Variants in GTF3C2 observed in about 807,000 individuals in gnomAD.
GTF3C2 encodes the protein general transcription factor 3C polypeptide 2.
A neutral mutation model predicts 117.4 loss-of-function variants in GTF3C2; 17 were observed. The ratio of observed to expected loss-of-function variants is 0.14; its 90% CI spans 0.10 to 0.22. The LOEUF (loss-of-function observed/expected upper bound fraction) is 0.22. Ranked by LOEUF, GTF3C2 falls within the 10% of genes least tolerant of loss-of-function variation. The pLI is 1.00. For synonymous variants in GTF3C2, 437 were observed against 427.0 expected, an observed-to-expected ratio of 1.02 and a Z score of -0.29; for missense variants, 888 against 1,143.6, an observed-to-expected ratio of 0.78 and a Z score of 3.22.
chr2:27,337,642 G>A, intron 5 of GTF3C2, 84 bp from the exon 6 acceptor site: 3 of 957,436 alleles, frequency 3.1e-6, no homozygotes, highest in Non-Finnish European at 5.1e-6. Context: ...GGATGGAAAT[G>A]ATCCATTATC....
intron 5 of GTF3C2, 69 bp downstream of exon 5, chr2:27,337,857 C>T (rs777933328): frequency 1.1e-6 from 1 of 921,628 alleles, no homozygotes; most frequent in Non-Finnish European, 1.8e-6. Context: ...CACGGCCCCA[C>T]TTCAATACCG....
chr2:27,329,322 G>A lies in GTF3C2; in HGVS notation c.1878-40C>T, dbSNP rs187061145. On this transcript the variant is annotated intron_variant, in intron 13 of 18. Transcript: ENST00000264720. The surrounding 1 kb of genome is among the most constrained non-coding windows in gnomAD (Gnocchi z 4.5). Reference sequence around the variant, plus strand: ...GAGAAGGTCAAATCCAAACAAATCCGGAAGTCAGCCTGTCCCAGTCTTCAC... The same window carrying A: ...GAGAAGGTCAAATCCAAACAAATCCAGAAGTCAGCCTGTCCCAGTCTTCAC... The A allele has an allele frequency of 1.1e-4, 171 of 1,613,882 alleles. No individual in the cohort carries two copies. The highest frequency in any genetic ancestry group is 1.2e-4 in the Non-Finnish European group (144 of 1,179,806).
In GTF3C2 at chr2:27,338,456, GCGCGCACA is replaced by G. The variant is rs562108763; in HGVS notation, c.856-444_856-437del. ...CCTCTACACAGGCGCGCACGCGCAC[GCGCGCACA>G]CACACACACACACACACACTCCTGG... is the stretch of plus-strand genomic sequence containing the variant. On this transcript the variant is annotated intron_variant, in intron 4 of 18. Transcript: ENST00000264720. Among the ~76,000 whole-genome samples the G allele has an allele frequency of 4.6e-3, 219 of 47,866 alleles. 1 individual carries two copies. Among genetic ancestry groups the G allele is most frequent in the African/African-American group, 0.034 (204 of 6,072 alleles). The allele number at this position is 47,866 out of a possible 152,430, so 31.4% of individuals were successfully genotyped here. A position where few individuals can be genotyped will look rare whatever the true frequency, so the allele number is the denominator to read the frequency against.
At chr2:27,337,745 A>C in intron 5 of GTF3C2, 181 bp downstream of exon 5, 1 of 690,234 alleles carries the variant, frequency 1.4e-6, no homozygotes, top group South Asian at 1.7e-5. Context: ...CTTTCATTTT[A>C]TTTCACTTTA....
chr2:27,326,926 C>T, intron 18 of GTF3C2, 33 bp from the exon 19 acceptor site: 3 of 1,411,788 alleles, frequency 2.1e-6, no homozygotes, highest in South Asian at 2.3e-5. Flanking sequence ...GAGAGAGATG[C>T]TCATGGGTGG....
intron 1 of GTF3C2, chr2:27,356,008 A>C: frequency 1.2e-6 from 1 of 844,158 alleles, no homozygotes; most frequent in Non-Finnish European, 1.7e-6. Context: ...TACAATTGAT[A>C]AGAGATTGCA....
In GTF3C2 at chr2:27,352,501, ATGGAAC is replaced by A. The variant is rs535822926; in HGVS notation, c.-25+4232_-25+4237del. On this transcript the variant is annotated intron_variant, in intron 1 of 18. Transcript: ENST00000264720. ...TCTAGCCCCATTCCCCCATCTCCTA[ATGGAAC>A]TGGAATTAGTTTATCCATTTCTTTT... is the stretch of plus-strand genomic sequence containing the variant. Among the ~76,000 whole-genome samples, 217 of 152,216 alleles carry A rather than the reference ATGGAAC, an allele frequency of 1.4e-3. 2 individuals carry two copies. The highest frequency in any genetic ancestry group is 5.1e-3 in the African/African-American group (211 of 41,540).
At chr2:27,331,790 T>G (rs1015757323) in intron 12 of GTF3C2, among the ~76,000 whole-genome samples, 1 of 151,994 alleles carries the variant, frequency 6.6e-6, no homozygotes, top group Non-Finnish European at 1.5e-5. Context: ...AATACAAAAA[T>G]TAGCCAGGCA....
At chr2:27,342,473 T>G in intron 3 of GTF3C2, 1 of 555,896 alleles carries the variant, frequency 1.8e-6, no homozygotes, top group East Asian at 2.9e-5. Context: ...CACTCCAAGT[T>G]CAATACATTT....
chr2:27,347,247 A>G (rs1350630238), intron 1 of GTF3C2, among the ~76,000 whole-genome samples: 1 of 152,210 alleles, frequency 6.6e-6, no homozygotes, highest in African/African-American at 2.4e-5. Context: ...ACAGATCTAT[A>G]TATACGCCTT....
At chr2:27,335,659 G>A in exon 10 of GTF3C2, 2 of 1,562,394 alleles carry the variant, frequency 1.3e-6, no homozygotes, top group Non-Finnish European at 8.7e-7. Flanking sequence ...GTACTTTCCC[G>A]TCTGAGCAGG....
At position 27,328,606 on chromosome 2, in the gene GTF3C2, A is replaced by G. The variant is rs1680170298; in HGVS notation, c.2128-10T>C. 6.2e-7 allele frequency: 1 copy of G among 1,606,842 alleles called. No homozygotes were observed. The highest frequency in any genetic ancestry group is 1.1e-5 in the South Asian group (1 of 90,856). On this transcript the variant is annotated splice_polypyrimidine_tract_variant and intron_variant, in intron 15 of 18. Coordinates refer to ENST00000264720, the Ensembl canonical transcript of GTF3C2. ...CGGATCCTGAAAGACTCTAATAGAA[A>G]GAGACAGATTTCATTCATTCATATA...
intron 12 of GTF3C2, among the ~76,000 whole-genome samples, chr2:27,331,192 G>A (rs937176877): frequency 6.6e-6 from 1 of 152,154 alleles, no homozygotes; most frequent in African/African-American, 2.4e-5. Context: ...GAACAGCATC[G>A]AGAATCATGT....
At chr2:27,343,885 A>G (rs1249257284) in intron 1 of GTF3C2, among the ~76,000 whole-genome samples, 3 of 151,862 alleles carry the variant, frequency 2.0e-5, no homozygotes, top group Admixed American at 6.6e-5. Flanking sequence ...TTCTCTAGCA[A>G]AATAAAATAA....
At chr2:27,337,656 G>C (rs376711809) in intron 5 of GTF3C2, 98 bp from the exon 6 acceptor site, 2 of 874,726 alleles carry the variant, frequency 2.3e-6, no homozygotes, top group Non-Finnish European at 3.8e-6. Flanking sequence ...CATTATCTGT[G>C]CTCCCCAATA....
intron 4 of GTF3C2, among the ~76,000 whole-genome samples, chr2:27,338,460 G>GCACACACACA (rs59913490): frequency 3.9e-5 from 3 of 76,122 alleles, no homozygotes; most frequent in Non-Finnish European, 1.1e-4. Flanking sequence ...GCGCACGCGC[G>GCACACACACA]CACACACACA....
intron 1 of GTF3C2, among the ~76,000 whole-genome samples, chr2:27,343,935 G>A (rs1393973665): frequency 6.6e-6 from 1 of 150,698 alleles, no homozygotes; most frequent in Non-Finnish European, 1.5e-5. Flanking sequence ...CTGGTGATAT[G>A]ACAATAAACA....
Position 27,328,611 on chromosome 2 carries a change from C to G in GTF3C2, c.2128-15G>C. On this transcript the variant is annotated splice_polypyrimidine_tract_variant and intron_variant, in intron 15 of 18. Coordinates refer to ENST00000264720, the Ensembl canonical transcript of GTF3C2. ...CCTGAAAGACTCTAATAGAAAGAGA[C>G]AGATTTCATTCATTCATATATTCAT... is the stretch of plus-strand genomic sequence containing the variant. 6.2e-7 allele frequency: 1 copy of G among 1,603,148 alleles called. No individual in the cohort carries two copies. The highest frequency in any genetic ancestry group is 8.5e-7 in the Non-Finnish European group (1 of 1,170,476).
chr2:27,335,857 C>T (rs926852438), intron 9 of GTF3C2, 60 bp downstream of exon 9: 4 of 1,230,110 alleles, frequency 3.3e-6, no homozygotes, highest in Admixed American at 3.6e-5. Flanking sequence ...TAAGAATTCC[C>T]AGGGCCTCTT....
Sources: gnomAD v4.1 joint callset for allele counts (sites outside exome capture counted in the v4.1 genomes callset) on GRCh38, gnomAD v4.1.1 for gene constraint, Gnocchi (gnomAD v3.1) non-coding constraint, MANE v1.5 for transcripts, NCBI Gene and HGNC (gene_info 2026-07-23, HGNC 2026-07-21) for gene names.